The following RASGRP1 variants were observed in gnomAD, a reference collection of about 807,000 sequenced individuals.
RASGRP1 encodes the protein RAS guanyl releasing protein 1.
RASGRP1 carries 37 observed loss-of-function variants against 95.1 expected under a neutral mutation model. The observed-to-expected ratio is 0.39, with a 90% CI of 0.30 to 0.51. RASGRP1 has a LOEUF of 0.51. Among genes scored for constraint, RASGRP1 ranks in the 20% least tolerant of loss-of-function variants. RASGRP1 has a pLI of 0.80. For missense variants in RASGRP1, 711 were observed against 965.4 expected, an observed-to-expected ratio of 0.74 and a Z score of 3.49; for synonymous variants, 325 against 353.4, an observed-to-expected ratio of 0.92 and a Z score of 0.90.
chr15:38,522,336 G>C (rs1459180393), intron 3 of RASGRP1, among the ~76,000 whole-genome samples: 4 of 152,150 alleles, frequency 2.6e-5, no homozygotes, highest in Non-Finnish European at 5.9e-5. Flanking sequence ...CAAACGTTCT[G>C]TACTTTACTT....
intron 8 of RASGRP1, 69 bp from the exon 9 acceptor site, chr15:38,508,070 G>A (rs973865369): frequency 1.3e-6 from 2 of 1,484,526 alleles, no homozygotes; most frequent in Middle Eastern, 1.9e-4. Flanking sequence ...TGAGGACCTT[G>A]CATGTTTGCA....
At chr15:38,500,925 T>C (rs1890991273) in intron 13 of RASGRP1, among the ~76,000 whole-genome samples, 1 of 152,146 alleles carries the variant, frequency 6.6e-6, no homozygotes, top group Admixed American at 6.5e-5. Context: ...TGGTACCATT[T>C]ATCTAAGGCC....
chr15:38,555,611 A>G (rs1280146669), intron 2 of RASGRP1, among the ~76,000 whole-genome samples: 1 of 152,218 alleles, frequency 6.6e-6, no homozygotes, highest in African/African-American at 2.4e-5. Context: ...GGCACAAGGC[A>G]AATTCTTTCA....
At chr15:38,559,743 C>T (rs1158625534) in intron 2 of RASGRP1, 78 bp downstream of exon 2, 4 of 1,404,334 alleles carry the variant, frequency 2.8e-6, no homozygotes, top group Non-Finnish European at 2.9e-6. Context: ...ATCTAGATTG[C>T]TGTTCCGTAA....
chr15:38,526,459 T>TCCA, intron 2 of RASGRP1, 55 bp from the exon 3 acceptor site: 1 of 1,379,466 alleles, frequency 7.2e-7, no homozygotes, highest in Non-Finnish European at 1.0e-6. Flanking sequence ...ACTAGTCACC[T>TCCA]GGTAGACACC....
intron 16 of RASGRP1, 190 bp downstream of exon 16, chr15:38,494,192 C>G: frequency 6.6e-6 from 5 of 752,710 alleles, no homozygotes; most frequent in Non-Finnish European, 6.5e-6. Context: ...AAGCTGGAAT[C>G]AATCATCCTT....
chr15:38,526,193 C>G lies in RASGRP1; in HGVS notation c.326+106G>C. 3 of 877,480 alleles carry G rather than the reference C, an allele frequency of 3.4e-6. No individual in the cohort carries two copies. In the South Asian group the frequency reaches 4.2e-5, roughly 12 times the overall value. 54.4% of individuals were successfully genotyped at this position (877,480 alleles called of 1,614,324 possible). A position where few individuals can be genotyped will look rare whatever the true frequency, so the allele number is the denominator to read the frequency against. The stretch of plus-strand genomic sequence containing the variant: ...AAAGGACATATGAACCTATTTGCCA[C>G]TCAGGGTTATTCCAAACCAATAAAA... On this transcript the variant is annotated intron_variant, in intron 3 of 16. Transcript: ENST00000310803.
intron 4 of RASGRP1, 101 bp from the exon 5 acceptor site, chr15:38,518,524 A>G: frequency 7.7e-7 from 1 of 1,290,706 alleles, no homozygotes; most frequent in Non-Finnish European, 1.1e-6. Flanking sequence ...AGAACTCAGA[A>G]AAAGACAAAG....
At chr15:38,493,122 C>T (rs1291149472) in intron 16 of RASGRP1, among the ~76,000 whole-genome samples, 23 of 151,364 alleles carry the variant, frequency 1.5e-4, no homozygotes, top group African/African-American at 3.4e-4. Context: ...CCTCGTGATC[C>T]GCCCACCTTG....
chr15:38,564,511 C>G (rs1893952210), intron 1 of RASGRP1, 83 bp downstream of exon 1: 2 of 1,236,670 alleles, frequency 1.6e-6, no homozygotes, highest in East Asian at 3.3e-5. Flanking sequence ...CAACTTCCCT[C>G]GGGGTGTTGG....
At chr15:38,556,702 CT>C (rs1443462912) in intron 2 of RASGRP1, among the ~76,000 whole-genome samples, 1 of 152,188 alleles carries the variant, frequency 6.6e-6, no homozygotes, top group Admixed American at 6.5e-5. Context: ...GAAATGAAAT[CT>C]TACATTTAAC....
intron 12 of RASGRP1, chr15:38,501,549 A>C (rs1891024101): frequency 1.7e-6 from 1 of 586,126 alleles, no homozygotes. Flanking sequence ...CTTGACCACT[A>C]TCTATAAGAC....
intron 2 of RASGRP1, among the ~76,000 whole-genome samples, chr15:38,539,553 T>A (rs1304898836): frequency 1.3e-5 from 2 of 151,976 alleles, no homozygotes; most frequent in Non-Finnish European, 2.9e-5. Context: ...TTGCCGTTTT[T>A]TTTTTTGTTT....
In RASGRP1 at chr15:38,559,972, T is replaced by C; in HGVS notation, c.69A>G (p.Lys23=). 6.2e-7 allele frequency: 1 copy of C among 1,613,094 alleles called. No homozygotes were observed. Among genetic ancestry groups the C allele is most frequent in the Non-Finnish European group, 8.5e-7 (1 of 1,179,586 alleles). The change falls in exon 2 of 17, where the codon AAA becomes AAG. Residue 23 remains lysine (K), a synonymous_variant. Transcript: ENST00000310803. ...KPSHGCRAAS[K]ARLEAKPANS... is the part of the protein sequence containing the mutation. ...TGGCTGGCTTTGCCTCTAGTCTTGC[T>C]TTAGAGGCAGCTCTGCAGCCATGGG... is the stretch of plus-strand genomic sequence containing the variant.
At chr15:38,503,461 T>A (rs1891120882) in intron 10 of RASGRP1, 85 bp from the exon 11 acceptor site, 1 of 1,036,042 alleles carries the variant, frequency 9.7e-7, no homozygotes, top group African/African-American at 1.6e-5. Context: ...TACCTGACGG[T>A]TACATTTATG....
At chr15:38,540,293 G>A (rs181806490) in intron 2 of RASGRP1, among the ~76,000 whole-genome samples, 4 of 152,282 alleles carry the variant, frequency 2.6e-5, no homozygotes, top group East Asian at 3.9e-4. Context: ...TTTTCTGTCT[G>A]TTCCCTACAG....
At chr15:38,497,266 A>G (rs1243865382) in intron 15 of RASGRP1, among the ~76,000 whole-genome samples, 1 of 152,162 alleles carries the variant, frequency 6.6e-6, no homozygotes, top group African/African-American at 2.4e-5. Flanking sequence ...GTCCCCAACA[A>G]GCCCTTCATG....
chr15:38,552,660 G>C (rs1595882065), intron 2 of RASGRP1, among the ~76,000 whole-genome samples: 1 of 152,182 alleles, frequency 6.6e-6, no homozygotes, highest in East Asian at 1.9e-4. Flanking sequence ...TCATGAATTA[G>C]GAAGTGGTGA....
intron 16 of RASGRP1, 86 bp from the exon 17 acceptor site, chr15:38,490,774 A>C (rs1234193506): frequency 7.3e-7 from 1 of 1,375,230 alleles, no homozygotes; most frequent in African/African-American, 1.5e-5. Context: ...TTTGATTGGC[A>C]TTTCCTATTC....
Sources: allele counts gnomAD v4.1 joint callset (sites outside exome capture counted in the v4.1 genomes callset), GRCh38; gene constraint gnomAD v4.1.1; transcripts MANE v1.5; gene names NCBI Gene and HGNC (gene_info 2026-07-23, HGNC 2026-07-21).